Variants in VEZT observed in about 807,000 individuals in gnomAD.
VEZT encodes the protein vezatin, adherens junctions transmembrane protein.
In VEZT, 39 loss-of-function variants were observed where a neutral mutation model predicts 79.9. The ratio of observed to expected loss-of-function variants is 0.49; its 90% CI spans 0.38 to 0.64. The LOEUF (loss-of-function observed/expected upper bound fraction) is 0.64, where lower values mean the gene tolerates loss of function less well. VEZT is among the 30% of genes least tolerant of loss of function. VEZT has a pLI of 0.00. For missense variants in VEZT, 837 were observed against 893.1 expected (o/e 0.94, Z 0.80); for synonymous variants, 325 against 327.6 (o/e 0.99, Z 0.09).
chr12:95,250,944 G>T (rs2062493179), intron 1 of VEZT, among the ~76,000 whole-genome samples: 1 of 152,122 alleles, frequency 6.6e-6, no homozygotes. Context: ...ATGCACAAAA[G>T]GATTATAAAT....
chr12:95,274,966 A>G, intron 7 of VEZT, 77 bp downstream of exon 7: 2 of 1,516,106 alleles, frequency 1.3e-6, no homozygotes, highest in Non-Finnish European at 1.8e-6. Context: ...CTGAATGTAA[A>G]TAGTGCGTTT....
At chr12:95,277,370 C>T (rs766166883) in intron 7 of VEZT, among the ~76,000 whole-genome samples, 9 of 151,834 alleles carry the variant, frequency 5.9e-5, no homozygotes, top group Non-Finnish European at 1.2e-4. Context: ...ACAGCTTGCC[C>T]GTGAAAATTC....
At chr12:95,223,973 T>C (rs2058023459) in intron 1 of VEZT, among the ~76,000 whole-genome samples, 1 of 152,238 alleles carries the variant, frequency 6.6e-6, no homozygotes, top group South Asian at 2.1e-4. Flanking sequence ...ATTGCTTCAG[T>C]TGTATCACGA....
intron 9 of VEZT, among the ~76,000 whole-genome samples, chr12:95,292,794 A>C (rs1444197574): frequency 7.2e-6 from 1 of 139,214 alleles, no homozygotes; most frequent in African/African-American, 2.7e-5. Context: ...TGATCCACCC[A>C]CCTTAGCCTC....
At chr12:95,300,051 TTTTA>T (rs1205646373) in intron 11 of VEZT, 110 bp from the exon 12 acceptor site, 18 of 591,946 alleles carry the variant, frequency 3.0e-5, no homozygotes, top group Middle Eastern at 4.9e-4. Flanking sequence ...TTTATTTAGC[TTTTA>T]TTTATTTATT....
rs909596812 is a variant in VEZT at position 95,227,342 on chromosome 12, T to C, written c.36+9456T>C. 2.8e-3 allele frequency among the ~76,000 whole-genome samples: 421 copies of C among 150,808 alleles called. 1 individual carries two copies. Among genetic ancestry groups the C allele is most frequent in the African/African-American group, 9.6e-3 (394 of 41,134 alleles). On this transcript the variant is annotated intron_variant, in intron 1 of 11. Transcript: ENST00000436874. ...TGCCCTACTAATTTTTTCTTTTTTT[T>C]TTTTTTTTTTGAGATGGAATTTTGT...
Position 95,252,129 on chromosome 12 carries a change from A to C in VEZT, c.168+58A>C, listed in dbSNP as rs1420384097. On this transcript the variant is annotated intron_variant, in intron 2 of 11. Coordinates refer to ENST00000436874, the MANE Select transcript of VEZT (RefSeq NM_017599.4). Reference sequence around the variant, plus strand: ...TCTTTTGCACTTTACCTTACTGGCTATTCAGATACTTCTTAAGCACTTCCA... The same window carrying C: ...TCTTTTGCACTTTACCTTACTGGCTCTTCAGATACTTCTTAAGCACTTCCA... The C allele has an allele frequency of 7.8e-6, 12 of 1,545,432 alleles. No individual in the cohort carries two copies. In the South Asian group the frequency reaches 1.3e-4, roughly 17 times the overall value.
chr12:95,271,729 G>A (rs908069043), intron 6 of VEZT, among the ~76,000 whole-genome samples: 1 of 152,212 alleles, frequency 6.6e-6, no homozygotes, highest in Non-Finnish European at 1.5e-5. Context: ...TTGTAGTTCA[G>A]TGTAGGGTAG....
At chr12:95,238,894 A>G (rs1250154179) in intron 1 of VEZT, among the ~76,000 whole-genome samples, 6 of 152,234 alleles carry the variant, frequency 3.9e-5, no homozygotes, top group African/African-American at 1.4e-4. Flanking sequence ...ATAAATCATG[A>G]TAGATTCATA....
chr12:95,288,715 A>G (rs2071668109), intron 9 of VEZT, among the ~76,000 whole-genome samples: 1 of 152,232 alleles, frequency 6.6e-6, no homozygotes, highest in South Asian at 2.1e-4. Flanking sequence ...AAATATTAAC[A>G]TGCTAATTAC....
At chr12:95,226,673 A>G (rs1565977488) in intron 1 of VEZT, among the ~76,000 whole-genome samples, 2 of 152,144 alleles carry the variant, frequency 1.3e-5, no homozygotes, top group Non-Finnish European at 2.9e-5. Flanking sequence ...CCTTCCAGTG[A>G]TCACTTTGAG....
At chr12:95,266,657 C>A (rs777694789) in intron 5 of VEZT, 25 bp downstream of exon 5, 2 of 1,547,140 alleles carry the variant, frequency 1.3e-6, no homozygotes, top group South Asian at 1.2e-5. Context: ...TATTTTATTT[C>A]TTAAATGATT....
chr12:95,222,513 CGT>C (rs2057779731), intron 1 of VEZT, among the ~76,000 whole-genome samples: 2 of 151,642 alleles, frequency 1.3e-5, no homozygotes, highest in African/African-American at 4.8e-5. Flanking sequence ...TTTGTCTATT[CGT>C]GTGTTAATAC....
intron 9 of VEZT, chr12:95,294,063 T>G (rs2073602333): frequency 2.3e-6 from 1 of 439,180 alleles, no homozygotes; most frequent in East Asian, 4.7e-5. Flanking sequence ...CAATTTTTAT[T>G]TCAGTTTTTG....
chr12:95,222,650 A>G (rs1052910922), intron 1 of VEZT, among the ~76,000 whole-genome samples: 3 of 152,140 alleles, frequency 2.0e-5, no homozygotes, highest in Non-Finnish European at 4.4e-5. Flanking sequence ...TTCCATATAA[A>G]TTTTAGAATC....
chr12:95,276,415 AC>A (rs956888112), intron 7 of VEZT, among the ~76,000 whole-genome samples: 4 of 151,324 alleles, frequency 2.6e-5, no homozygotes, highest in African/African-American at 9.7e-5. Flanking sequence ...GACTACAGTT[AC>A]ATGCCTCCAC....
chr12:95,233,287 G>A (rs1276672547), intron 1 of VEZT, among the ~76,000 whole-genome samples: 3 of 151,866 alleles, frequency 2.0e-5, no homozygotes, highest in African/African-American at 7.3e-5. Flanking sequence ...ATAATACAGG[G>A]AAAGGATCAG....
chr12:95,235,134 G>A (rs1459049400), intron 1 of VEZT, among the ~76,000 whole-genome samples: 5 of 151,466 alleles, frequency 3.3e-5, no homozygotes, highest in East Asian at 1.9e-4. Context: ...CCACAAAACC[G>A]CCATTGTCAT....
In VEZT at chr12:95,232,766, T is replaced by G. The variant is rs77630535; in HGVS notation, c.36+14880T>G. The stretch of plus-strand genomic sequence containing the variant: ...ATAATAGTTGAAGTAGAGCATTAGT[T>G]TTTGGGTTGGTTTGGTTTGGGTTTT... On this transcript the variant is annotated intron_variant, in intron 1 of 11. Coordinates refer to ENST00000436874, the MANE Select transcript of VEZT (RefSeq NM_017599.4). 9.1e-4 allele frequency among the ~76,000 whole-genome samples: 138 copies of G among 152,198 alleles called. 2 individuals carry two copies. The highest frequency in any genetic ancestry group is 3.3e-3 in the African/African-American group (135 of 41,530).
Sources: gnomAD v4.1 joint callset for allele counts (sites outside exome capture counted in the v4.1 genomes callset) on GRCh38, gnomAD v4.1.1 for gene constraint, MANE v1.5 for transcripts, NCBI Gene and HGNC (gene_info 2026-07-23, HGNC 2026-07-21) for gene names.